Variants in PTPRT observed in about 807,000 individuals in gnomAD.
The protein encoded by PTPRT is receptor-type tyrosine-protein phosphatase T.
A neutral mutation model predicts 176.8 loss-of-function variants in PTPRT; 56 were observed. That is an observed-to-expected ratio of 0.32 (90% CI 0.26 to 0.40). The LOEUF (loss-of-function observed/expected upper bound fraction) is 0.40. Ranked by LOEUF, PTPRT falls within the 10% of genes least tolerant of loss-of-function variation. The pLI, the probability that PTPRT is intolerant of heterozygous loss-of-function variation, is 1.00. For synonymous variants in PTPRT, 783 were observed against 739.0 expected, an observed-to-expected ratio of 1.06 and a Z score of -0.96; for missense variants, 1,540 against 1,908.2, an observed-to-expected ratio of 0.81 and a Z score of 3.60.
chr20:42,985,994 A>G (rs1468776360), intron 1 of PTPRT, among the ~76,000 whole-genome samples: 1 of 152,238 alleles, frequency 6.6e-6, no homozygotes, highest in Admixed American at 6.5e-5. Flanking sequence ...AAAAGGCAAG[A>G]CAACAGGGAC....
chr20:42,810,580 C>G (rs1569169118), intron 2 of PTPRT, among the ~76,000 whole-genome samples: 1 of 152,206 alleles, frequency 6.6e-6, no homozygotes, highest in Non-Finnish European at 1.5e-5. Flanking sequence ...GTACGCAGTT[C>G]TGAAGCTTAC....
intron 1 of PTPRT, among the ~76,000 whole-genome samples, chr20:43,177,691 T>C (rs546674673): frequency 1.1e-4 from 17 of 152,322 alleles, no homozygotes; most frequent in Non-Finnish European, 1.0e-4. Context: ...TTTAAATATA[T>C]GTTAAATATT....
At chr20:42,615,228 T>C (rs2074052215) in intron 7 of PTPRT, among the ~76,000 whole-genome samples, 1 of 135,804 alleles carries the variant, frequency 7.4e-6, no homozygotes, top group East Asian at 2.0e-4. Flanking sequence ...AGAATGATGA[T>C]TTCCAATTTC....
chr20:42,090,985 A>T (rs977079772), intron 27 of PTPRT, among the ~76,000 whole-genome samples: 3 of 152,176 alleles, frequency 2.0e-5, no homozygotes, highest in Non-Finnish European at 2.9e-5. Context: ...TGAGGGTGAA[A>T]GGTGATACTG....
chr20:42,619,285 T>C (rs1056702571), intron 7 of PTPRT, among the ~76,000 whole-genome samples: 1 of 137,612 alleles, frequency 7.3e-6, no homozygotes, highest in African/African-American at 3.1e-5. Context: ...CTCTTCTGGC[T>C]TGTAGGGTTT....
chr20:42,270,779 C>A (rs540815425), intron 13 of PTPRT, among the ~76,000 whole-genome samples: 1 of 152,056 alleles, frequency 6.6e-6, no homozygotes, highest in Non-Finnish European at 1.5e-5. Flanking sequence ...ATTTTTCCAC[C>A]GAAACTACTT....
intron 8 of PTPRT, among the ~76,000 whole-genome samples, chr20:42,465,751 G>GT (rs1177720996): frequency 6.6e-6 from 1 of 152,158 alleles, no homozygotes; most frequent in Non-Finnish European, 1.5e-5. Flanking sequence ...TTTTAATGTA[G>GT]TTTTTTAATG....
Position 42,115,222 on chromosome 20 carries a change from T to G in PTPRT, c.3076A>C (p.Ile1026Leu). The G allele has an allele frequency of 6.2e-7, 1 of 1,614,010 alleles. No individual in the cohort carries two copies. The highest frequency in any genetic ancestry group is 1.1e-5 in the South Asian group (1 of 91,074). The change falls in exon 22 of 31, where the codon ATA becomes CTA. Residue 1026 changes from isoleucine (I) to leucine (L), a missense_variant. Coordinates refer to ENST00000373187, the MANE Select transcript of PTPRT (RefSeq NM_007050.6). ...IETEPLAEYV[I>L]RTFTVQKKGY... is the part of the protein sequence containing the mutation. ...ACCTTCTGGACTGTGAAGGTGCGTA[T>G]GACGTATTCTGCCAGGGGCTCTGTT...
intron 5 of PTPRT, among the ~76,000 whole-genome samples, chr20:42,761,357 C>T (rs1005541707): frequency 4.6e-5 from 7 of 151,972 alleles, no homozygotes; most frequent in African/African-American, 1.5e-4. Context: ...TCGCTTCAAC[C>T]CGGGAGGCGG....
chr20:43,033,839 G>C (rs1986253045), intron 1 of PTPRT, among the ~76,000 whole-genome samples: 1 of 152,098 alleles, frequency 6.6e-6, no homozygotes, highest in African/African-American at 2.4e-5. Flanking sequence ...AACTCTCAAG[G>C]TCATGCAGCA....
At chr20:43,042,182 T>G (rs924263862) in intron 1 of PTPRT, among the ~76,000 whole-genome samples, 20 of 152,222 alleles carry the variant, frequency 1.3e-4, no homozygotes, top group African/African-American at 4.8e-4. Context: ...CTTCACCTAC[T>G]TAGGTACAGA....
At chr20:42,824,332 T>G (rs1166735192) in intron 2 of PTPRT, among the ~76,000 whole-genome samples, 1 of 152,010 alleles carries the variant, frequency 6.6e-6, no homozygotes, top group African/African-American at 2.4e-5. Context: ...TTTTTTTTCA[T>G]AAAGTGTAAC....
chr20:42,670,253 C>T (rs987870570), intron 7 of PTPRT, among the ~76,000 whole-genome samples: 2 of 152,188 alleles, frequency 1.3e-5, no homozygotes, highest in African/African-American at 4.8e-5. Flanking sequence ...TCCCGGTTCT[C>T]TGCAAGGCAT....
chr20:42,705,068 G>A (rs1233779634), intron 6 of PTPRT, among the ~76,000 whole-genome samples: 2 of 152,072 alleles, frequency 1.3e-5, no homozygotes, highest in Non-Finnish European at 2.9e-5. Context: ...AGCTGGGCAT[G>A]GTGGTGCATG....
At chr20:42,159,566 C>A (rs191598762) in intron 17 of PTPRT, among the ~76,000 whole-genome samples, 1 of 152,116 alleles carries the variant, frequency 6.6e-6, no homozygotes, top group East Asian at 1.9e-4. Flanking sequence ...ATTCAACCCC[C>A]TAGGAAATGA....
intron 7 of PTPRT, among the ~76,000 whole-genome samples, chr20:42,476,221 G>C (rs1361512396): frequency 6.6e-6 from 1 of 152,204 alleles, no homozygotes. Context: ...GTGTGGGGTA[G>C]AAGCTGCATT....
At chr20:43,045,417 GAACTCTA>G (rs1487931566) in intron 1 of PTPRT, among the ~76,000 whole-genome samples, 1 of 151,372 alleles carries the variant, frequency 6.6e-6, no homozygotes, top group East Asian at 1.9e-4. Context: ...AGACGGACAA[GAACTCTA>G]AACTCTAACT....
At chr20:42,707,761 C>G (rs6102998) in intron 6 of PTPRT, among the ~76,000 whole-genome samples, 1 of 152,176 alleles carries the variant, frequency 6.6e-6, no homozygotes, top group Non-Finnish European at 1.5e-5. Context: ...TCAGACCAGC[C>G]TGAGCAACAC....
At chr20:43,155,565 T>C (rs1049737882) in intron 1 of PTPRT, among the ~76,000 whole-genome samples, 7 of 152,150 alleles carry the variant, frequency 4.6e-5, no homozygotes, top group African/African-American at 1.7e-4. Flanking sequence ...GGCCAAAAGA[T>C]ACATCATTAC....
Sources: gnomAD v4.1 joint callset for allele counts (sites outside exome capture counted in the v4.1 genomes callset) on GRCh38, gnomAD v4.1.1 for gene constraint, MANE v1.5 for transcripts, NCBI Gene and HGNC (gene_info 2026-07-23, HGNC 2026-07-21) for gene names.